Variants in CACNA1B observed in about 807,000 individuals in gnomAD.
The protein encoded by CACNA1B is calcium voltage-gated channel subunit alpha1 B.
Under a neutral mutation model 247.2 loss-of-function variants are expected in CACNA1B, and 70 were observed. The observed-to-expected ratio is 0.28, with a 90% CI of 0.23 to 0.35. The LOEUF is 0.35. Ranked by LOEUF, CACNA1B falls within the 10% of genes least tolerant of loss-of-function variation. The pLI is 1.00. For missense variants in CACNA1B, 2,367 were observed against 3,197.4 expected (o/e 0.74, Z 6.26); for synonymous variants, 1,231 against 1,294.4 (o/e 0.95, Z 1.05).
chr9:137,988,366 T>G (rs1958392343), intron 15 of CACNA1B, among the ~76,000 whole-genome samples: 1 of 152,104 alleles, frequency 6.6e-6, no homozygotes, highest in African/African-American at 2.4e-5. Flanking sequence ...GGCTTTGCCC[T>G]GTAGAAGCTG....
At chr9:138,120,948 AG>A in intron 46 of CACNA1B, 67 bp downstream of exon 46, 1 of 1,495,014 alleles carries the variant, frequency 6.7e-7, no homozygotes, top group Non-Finnish European at 8.9e-7. Flanking sequence ...CCTGTCCCAC[AG>A]GCTCCTGCCT....
chr9:138,050,027 G>T lies in CACNA1B; in HGVS notation c.3710+712G>T. The T allele has an allele frequency of 7.8e-7, 1 of 1,282,888 alleles. No homozygotes were observed. The highest frequency in any genetic ancestry group is 1.0e-6 in the Non-Finnish European group (1 of 982,546). 79.5% of individuals were successfully genotyped at this position (1,282,888 alleles called of 1,614,324 possible). On this transcript the variant is annotated intron_variant, in intron 24 of 46. Coordinates refer to ENST00000371372, the MANE Select transcript of CACNA1B (RefSeq NM_000718.4). This position sits in a 1 kb window ranked among gnomAD's most constrained non-coding sequence, Gnocchi z 5.2. ...TGAGCGGCTGGGAGGGCTGCTCCTG[G>T]TGCCACTGACTCTGTTCTCTTTGTC...
rs1411003393 is a variant in CACNA1B at position 138,120,752 on chromosome 9, C to T, written c.6360C>T (p.Ser2120=). 5 of 1,548,390 alleles carry T rather than the reference C, an allele frequency of 3.2e-6. No individual in the cohort carries two copies. In the East Asian group the frequency reaches 9.7e-5, roughly 30 times the overall value. Residue 2120 remains serine (S), a synonymous_variant, in exon 46 of 47, where the codon TCC becomes TCT. Coordinates refer to ENST00000371372, the MANE Select transcript of CACNA1B (RefSeq NM_000718.4). ...AGGAGCGGAGGCAGCCCTCATCCTC[C>T]TCCTCGGAGAAGCAGCGCTTCTACT... is the stretch of plus-strand genomic sequence containing the variant. ...RSQERRQPSS[S]SSEKQRFYSC...
At chr9:138,042,590 T>G (rs1047992962) in intron 20 of CACNA1B, among the ~76,000 whole-genome samples, 1 of 152,266 alleles carries the variant, frequency 6.6e-6, no homozygotes, top group African/African-American at 2.4e-5. Context: ...TTTGCCAGAT[T>G]GCTTTCTCAG....
At chr9:137,889,722 A>G (rs1957070711) in intron 3 of CACNA1B, among the ~76,000 whole-genome samples, 1 of 149,262 alleles carries the variant, frequency 6.7e-6, no homozygotes, top group Non-Finnish European at 1.5e-5. Flanking sequence ...CCGTGGGGAC[A>G]GGCCTGGCAG....
intron 15 of CACNA1B, among the ~76,000 whole-genome samples, chr9:138,003,111 T>C (rs964762489): frequency 1.3e-5 from 2 of 151,240 alleles, no homozygotes; most frequent in Admixed American, 6.6e-5. Flanking sequence ...TTCTTTTTTT[T>C]AATGGAGATG....
rs116659558 is a variant in CACNA1B at position 138,057,783 on chromosome 9, G to A, written c.4020G>A (p.Gln1340=). ...EKEEVEAQPR[Q]WKKYDFHYDN... ...AGGAAGTGGAAGCTCAGCCCAGGCA[G>A]TGGAAGAAATACGACTTTCACTACG... Residue 1340 remains glutamine (Q), a synonymous_variant, in exon 27 of 47, where the codon CAG becomes CAA. Coordinates refer to ENST00000371372, the MANE Select transcript of CACNA1B (RefSeq NM_000718.4). The surrounding 1 kb of genome is among the most constrained non-coding windows in gnomAD (Gnocchi z 4.0). 1.7e-3 allele frequency: 2,737 copies of A among 1,612,962 alleles called. 41 individuals carry two copies. The African/African-American group carries it at 0.032, about 19-fold the overall frequency.
In CACNA1B at chr9:138,073,702, AGGGT is replaced by A; in HGVS notation, c.4791+99_4791+102del. The A allele has an allele frequency of 1.3e-6, 1 of 754,170 alleles. No homozygotes were observed. Among genetic ancestry groups the A allele is most frequent in the East Asian group, 2.5e-5 (1 of 40,670 alleles). 46.7% of individuals were successfully genotyped at this position (754,170 alleles called of 1,614,324 possible). A position where few individuals can be genotyped will look rare whatever the true frequency, so the allele number is the denominator to read the frequency against. On this transcript the variant is annotated intron_variant, in intron 33 of 46. Coordinates refer to ENST00000371372, the MANE Select transcript of CACNA1B (RefSeq NM_000718.4). The surrounding 1 kb of genome is among the most constrained non-coding windows in gnomAD (Gnocchi z 6.4). ...GGCCCCTCCTTTGGGAGGCTGGGAG[AGGGT>A]ATGGCATGCAGGTTTCGTGGTTGTA... is the stretch of plus-strand genomic sequence containing the variant.
Position 137,917,792 on chromosome 9 carries a change from G to T in CACNA1B, c.966+361G>T, listed in dbSNP as rs1463945285. ...TAGCTGCTCTGGGTTAGGCCCTCTG[G>T]GAAGTGTTTTATTCCTGTTGACTCC... On this transcript the variant is annotated intron_variant, in intron 6 of 46. Coordinates refer to ENST00000371372, the MANE Select transcript of CACNA1B (RefSeq NM_000718.4). The surrounding 1 kb of genome is among the most constrained non-coding windows in gnomAD (Gnocchi z 5.5). 1.3e-5 allele frequency among the ~76,000 whole-genome samples: 2 copies of T among 152,258 alleles called. No homozygotes were observed. Among genetic ancestry groups the T allele is most frequent in the East Asian group, 3.8e-4 (2 of 5,198 alleles).
intron 3 of CACNA1B, chr9:137,892,411 G>A (rs1326722112): frequency 2.2e-6 from 1 of 451,638 alleles, no homozygotes; most frequent in African/African-American, 2.0e-5. Context: ...GGGGTCCACT[G>A]TGGCCATGTG....
At chr9:137,968,383 C>T (rs1958106079) in intron 10 of CACNA1B, among the ~76,000 whole-genome samples, 1 of 152,258 alleles carries the variant, frequency 6.6e-6, no homozygotes, top group African/African-American at 2.4e-5. Flanking sequence ...TTGAGCCCCG[C>T]TGAGCTTGGC....
intron 42 of CACNA1B, among the ~76,000 whole-genome samples, chr9:138,117,437 C>G (rs1306779239): frequency 6.6e-6 from 1 of 152,162 alleles, no homozygotes; most frequent in Non-Finnish European, 1.5e-5. Context: ...CTCATCTGTC[C>G]CAGCCTGTCC....
chr9:137,929,514 C>T (rs1257434871), intron 6 of CACNA1B, among the ~76,000 whole-genome samples: 1 of 152,138 alleles, frequency 6.6e-6, no homozygotes. Context: ...AGGATAGCGC[C>T]ACTGCACTCT....
chr9:137,922,106 C>T (rs1227600002), intron 6 of CACNA1B, among the ~76,000 whole-genome samples: 2 of 146,634 alleles, frequency 1.4e-5, no homozygotes, highest in African/African-American at 2.6e-5. Flanking sequence ...TGATCAGCAC[C>T]GCGATCACAC....
At chr9:137,951,648 G>A (rs1053960697) in intron 6 of CACNA1B, among the ~76,000 whole-genome samples, 2 of 152,224 alleles carry the variant, frequency 1.3e-5, no homozygotes, top group Non-Finnish European at 2.9e-5. Flanking sequence ...TCAAAGGAGC[G>A]CACCCTTTTG....
chr9:138,038,238 C>T (rs956829517), intron 20 of CACNA1B, among the ~76,000 whole-genome samples: 1 of 152,178 alleles, frequency 6.6e-6, no homozygotes, highest in Non-Finnish European at 1.5e-5. Flanking sequence ...GGCCAATGTT[C>T]ACCCTTTCAA....
intron 15 of CACNA1B, among the ~76,000 whole-genome samples, chr9:138,000,200 G>A (rs146312212): frequency 2.0e-4 from 31 of 151,390 alleles, no homozygotes; most frequent in Admixed American, 4.6e-4. Context: ...CCGGGTTCAC[G>A]CCATTCTCCT....
chr9:138,118,590 G>A, intron 43 of CACNA1B, 62 bp from the exon 44 acceptor site: 1 of 799,542 alleles, frequency 1.3e-6, no homozygotes, highest in Admixed American at 2.4e-5. Context: ...TGAGTCCGGG[G>A]TGGGATCAGA....
At chr9:137,960,473 AGGAGAGGGGAGATG>A (rs1958007133) in intron 10 of CACNA1B, among the ~76,000 whole-genome samples, 11 of 14,648 alleles carry the variant, frequency 7.5e-4, no homozygotes, top group East Asian at 2.1e-3. Context: ...AAGGACACCC[AGGAGAGGGGAGATG>A]CGAGACGCCG....
Sources: allele counts gnomAD v4.1 joint callset (sites outside exome capture counted in the v4.1 genomes callset), GRCh38; gene constraint gnomAD v4.1.1; non-coding constraint Gnocchi (gnomAD v3.1); transcripts MANE v1.5; gene names NCBI Gene and HGNC (gene_info 2026-07-23, HGNC 2026-07-21).